The following SRD5A2 variants were observed in gnomAD, a reference collection of about 807,000 sequenced individuals.
The protein encoded by SRD5A2 is 3-oxo-5-alpha-steroid 4-dehydrogenase 2.
SRD5A2 carries 30 observed loss-of-function variants against 27.4 expected under a neutral mutation model. The ratio of observed to expected loss-of-function variants is 1.10; its 90% CI spans 0.82 to 1.49. The LOEUF is 1.49. SRD5A2 is among the 40% of genes most tolerant of loss of function. The probability of loss-of-function intolerance (pLI) is 0.00; values close to 1 mark genes in which losing one functional copy is unlikely to be tolerated. For missense variants in SRD5A2, 348 were observed against 323.4 expected (o/e 1.08, Z -0.58); for synonymous variants, 141 against 133.6 (o/e 1.06, Z -0.38).
the SRD5A2 span, among the ~76,000 whole-genome samples, chr2:31,644,367 T>C: frequency 6.6e-6 from 1 of 152,118 alleles, no homozygotes; most frequent in Non-Finnish European, 1.5e-5. Context: ...CCAGGACAGA[T>C]GGAGGAAGAA....
chr2:31,577,149 AAAAAAAAAACATT>A (rs1403537742), intron 1 of SRD5A2, among the ~76,000 whole-genome samples: 1 of 76,344 alleles, frequency 1.3e-5, no homozygotes, highest in African/African-American at 5.6e-5. Flanking sequence ...GAGTATAATA[AAAAAAAAAACATT>A]AAAAAAAAAA....
intron 1 of SRD5A2, among the ~76,000 whole-genome samples, chr2:31,573,251 T>C (rs968582112): frequency 6.6e-6 from 1 of 152,192 alleles, no homozygotes; most frequent in Admixed American, 6.5e-5. Flanking sequence ...GCAAAGAACA[T>C]AATATAATGC....
At chr2:31,607,390 A>C in the SRD5A2 span, among the ~76,000 whole-genome samples, 1 of 151,992 alleles carries the variant, frequency 6.6e-6, no homozygotes, top group Non-Finnish European at 1.5e-5. Context: ...GAAACCTTAA[A>C]GTCAGTAATA....
the SRD5A2 span, among the ~76,000 whole-genome samples, chr2:31,656,098 A>G: frequency 6.6e-6 from 1 of 152,312 alleles, no homozygotes; most frequent in East Asian, 1.9e-4. Context: ...ATCTTGAAGG[A>G]GAGGGAATCA....
chr2:31,602,974 C>T, the SRD5A2 span, among the ~76,000 whole-genome samples: 4 of 151,802 alleles, frequency 2.6e-5, no homozygotes, highest in Non-Finnish European at 5.9e-5. Flanking sequence ...TAGAAAAAAA[C>T]CTAGGAAATA....
the SRD5A2 span, among the ~76,000 whole-genome samples, chr2:31,610,213 T>C: frequency 2.6e-5 from 4 of 152,004 alleles, no homozygotes; most frequent in Non-Finnish European, 5.9e-5. Context: ...ATAAGGATAC[T>C]ACAAGAAAGA....
chr2:31,651,057 G>A, the SRD5A2 span, among the ~76,000 whole-genome samples: 1 of 152,188 alleles, frequency 6.6e-6, no homozygotes, highest in Admixed American at 6.5e-5. Flanking sequence ...GTCTTCAGGT[G>A]GGATAAGTGT....
chr2:31,599,228 C>T, the SRD5A2 span, among the ~76,000 whole-genome samples: 1 of 151,874 alleles, frequency 6.6e-6, no homozygotes, highest in African/African-American at 2.4e-5. Flanking sequence ...CTTTAGCACC[C>T]CACTTTCAGC....
chr2:31,544,063 T>C (rs935184343), intron 1 of SRD5A2, among the ~76,000 whole-genome samples: 3 of 152,032 alleles, frequency 2.0e-5, no homozygotes, highest in Non-Finnish European at 4.4e-5. Context: ...AAATGGACTT[T>C]AAATTTTTTT....
chr2:31,533,590 C>G lies in SRD5A2; in HGVS notation c.445+13G>C, dbSNP rs973672742. 2 of 1,550,270 alleles carry G rather than the reference C, an allele frequency of 1.3e-6. No individual in the cohort carries two copies. Among genetic ancestry groups the G allele is most frequent in the African/African-American group, 2.7e-5 (2 of 73,002 alleles). On this transcript the variant is annotated intron_variant, in intron 2 of 4. Transcript: ENST00000622030. ...AGCTGGGAAGTAGGTGAGAAGTGGGCAGATTCACTTACCCAAGCTAAACCG... is the reference window on the plus strand; with the variant it reads ...AGCTGGGAAGTAGGTGAGAAGTGGGGAGATTCACTTACCCAAGCTAAACCG...
chr2:31,616,130 G>A, the SRD5A2 span, among the ~76,000 whole-genome samples: 4 of 152,128 alleles, frequency 2.6e-5, no homozygotes, highest in Non-Finnish European at 5.9e-5. Context: ...TTAGGTTTGG[G>A]AACCTGCACC....
At chr2:31,659,531 A>G in the SRD5A2 span, among the ~76,000 whole-genome samples, 2 of 152,194 alleles carry the variant, frequency 1.3e-5, no homozygotes, top group African/African-American at 4.8e-5. Flanking sequence ...ATTTCTATAC[A>G]CCAACAACAT....
At chr2:31,659,444 G>A in the SRD5A2 span, among the ~76,000 whole-genome samples, 2 of 152,188 alleles carry the variant, frequency 1.3e-5, no homozygotes, top group African/African-American at 4.8e-5. Flanking sequence ...CATAGTCTCT[G>A]CCTAAAAGCT....
At chr2:31,605,107 G>T in the SRD5A2 span, among the ~76,000 whole-genome samples, 3 of 151,766 alleles carry the variant, frequency 2.0e-5, no homozygotes, top group Non-Finnish European at 2.9e-5. Flanking sequence ...ATAGGCAGAA[G>T]AATAAAACTA....
chr2:31,580,549 C>G (rs619857), intron 1 of SRD5A2, 71 bp downstream of exon 1: 7 of 1,419,646 alleles, frequency 4.9e-6, no homozygotes, highest in Admixed American at 5.7e-5. Flanking sequence ...GTGCGCGCTC[C>G]ACGCTGCGCT....
At chr2:31,633,689 A>G in the SRD5A2 span, among the ~76,000 whole-genome samples, 1 of 152,120 alleles carries the variant, frequency 6.6e-6, no homozygotes, top group African/African-American at 2.4e-5. Context: ...AAGCAGTTAG[A>G]GCAGTCGTCA....
chr2:31,608,098 T>C, the SRD5A2 span, among the ~76,000 whole-genome samples: 1 of 152,056 alleles, frequency 6.6e-6, no homozygotes, highest in Non-Finnish European at 1.5e-5. Flanking sequence ...GACCAGCCTA[T>C]AGTATTCCAT....
chr2:31,603,351 G>A, the SRD5A2 span, among the ~76,000 whole-genome samples: 3 of 152,016 alleles, frequency 2.0e-5, no homozygotes, highest in African/African-American at 7.2e-5. Context: ...ACCACAGTGA[G>A]GTACCATCTC....
At chr2:31,627,471 A>G in the SRD5A2 span, among the ~76,000 whole-genome samples, 1 of 149,322 alleles carries the variant, frequency 6.7e-6, no homozygotes, top group Non-Finnish European at 1.5e-5. Flanking sequence ...AATTTCCTTC[A>G]GTTCAGCTCT....
Sources: gnomAD v4.1 joint callset for allele counts (sites outside exome capture counted in the v4.1 genomes callset) on GRCh38, gnomAD v4.1.1 for gene constraint, MANE v1.5 for transcripts, NCBI Gene and HGNC (gene_info 2026-07-23, HGNC 2026-07-21) for gene names.